Variants in TNRC6C observed in about 807,000 individuals in gnomAD.
TNRC6C encodes trinucleotide repeat containing adaptor 6C.
Under a neutral mutation model 153.7 loss-of-function variants are expected in TNRC6C, and 20 were observed. That is an observed-to-expected ratio of 0.13 (90% CI 0.09 to 0.19). The LOEUF is 0.19. Among genes scored for constraint, TNRC6C ranks in the 10% least tolerant of loss-of-function variants. TNRC6C has a pLI of 1.00. For synonymous variants in TNRC6C, 811 were observed against 841.4 expected (o/e 0.96, Z 0.63); for missense variants, 1,987 against 2,172.0 (o/e 0.91, Z 1.69).
At chr17:77,978,974 C>T (rs1396073621) in intron 1 of TNRC6C, among the ~76,000 whole-genome samples, 1 of 152,182 alleles carries the variant, frequency 6.6e-6, no homozygotes, top group African/African-American at 2.4e-5. Context: ...AGCCTATCTC[C>T]ACAGTTTTGT....
chr17:78,012,156 T>A (rs1598684451), intron 1 of TNRC6C: 1 of 152,376 alleles, frequency 6.6e-6, no homozygotes, highest in East Asian at 1.9e-4. Context: ...AATCACATTT[T>A]ATCTAGCTTT....
intron 2 of TNRC6C, among the ~76,000 whole-genome samples, chr17:78,043,902 C>CT (rs1301386865): frequency 6.6e-6 from 1 of 152,138 alleles, no homozygotes; most frequent in Non-Finnish European, 1.5e-5. Flanking sequence ...GGATCTTATT[C>CT]TTTTTATGGC....
intron 2 of TNRC6C, among the ~76,000 whole-genome samples, chr17:78,039,750 A>G (rs2143834302): frequency 1.3e-5 from 2 of 152,314 alleles, no homozygotes; most frequent in South Asian, 2.1e-4. Context: ...AATGCCCACT[A>G]AGGACTGGGA....
chr17:78,048,201 T>G (rs2072447702), intron 2 of TNRC6C, among the ~76,000 whole-genome samples: 1 of 152,090 alleles, frequency 6.6e-6, no homozygotes, highest in Non-Finnish European at 1.5e-5. Context: ...TAAACCAAAT[T>G]GCAGATAAGA....
At chr17:78,026,156 A>G (rs2071938136) in intron 1 of TNRC6C, among the ~76,000 whole-genome samples, 5 of 152,150 alleles carry the variant, frequency 3.3e-5, no homozygotes, top group Admixed American at 2.0e-4. Flanking sequence ...TAAACTTTAT[A>G]TGTTTGAGAA....
At position 78,067,938 on chromosome 17, in the gene TNRC6C, C is replaced by T; in HGVS notation, c.2778+15C>T. The stretch of plus-strand genomic sequence containing the variant: ...GACTTCAAAAGGTAAGTACAACACT[C>T]TTAACGACGGTACACCCTGAAAACC... On this transcript the variant is annotated intron_variant, in intron 5 of 19. Transcript: ENST00000301624. The T allele has an allele frequency of 3.1e-6, 5 of 1,595,088 alleles. No individual in the cohort carries two copies. Among genetic ancestry groups the T allele is most frequent in the Non-Finnish European group, 3.4e-6 (4 of 1,172,038 alleles).
intron 9 of TNRC6C, among the ~76,000 whole-genome samples, chr17:78,078,412 A>G (rs1259886583): frequency 1.3e-5 from 2 of 152,222 alleles, no homozygotes; most frequent in African/African-American, 4.8e-5. Flanking sequence ...AGTTAACACA[A>G]AATTAACTAC....
chr17:78,093,271 C>T, intron 15 of TNRC6C, 147 bp downstream of exon 17: 1 of 963,122 alleles, frequency 1.0e-6, no homozygotes, highest in Non-Finnish European at 1.5e-6. Context: ...CCTTGGAAAT[C>T]CATTTGTCAG....
At chr17:77,978,894 C>T (rs1255505054) in intron 1 of TNRC6C, among the ~76,000 whole-genome samples, 1 of 152,186 alleles carries the variant, frequency 6.6e-6, no homozygotes, top group Admixed American at 6.5e-5. Context: ...AAGTGATTCA[C>T]CCTTGCTCTT....
intron 2 of TNRC6C, among the ~76,000 whole-genome samples, chr17:78,033,582 T>G (rs1273843795): frequency 6.6e-6 from 1 of 151,812 alleles, no homozygotes; most frequent in African/African-American, 2.4e-5. Context: ...GGCAGGAGAA[T>G]CGCTTGAACC....
chr17:77,959,552 T>C (rs2070843610), intron 1 of TNRC6C, among the ~76,000 whole-genome samples: 1 of 152,102 alleles, frequency 6.6e-6, no homozygotes, highest in Non-Finnish European at 1.5e-5. Context: ...CCCTCCCTTT[T>C]AAAACTCATG....
intron 3 of TNRC6C, among the ~76,000 whole-genome samples, chr17:78,059,963 A>T (rs545890825): frequency 3.3e-5 from 5 of 152,262 alleles, no homozygotes; most frequent in Non-Finnish European, 5.9e-5. Context: ...ACTGTATAAG[A>T]TGGTTTTCCT....
Position 78,075,492 on chromosome 17 carries a change from GA to G in TNRC6C, c.3060+218del. The G allele has an allele frequency of 1.7e-6, 1 of 603,050 alleles. No homozygotes were observed. Among genetic ancestry groups the G allele is most frequent in the South Asian group, 2.7e-5 (1 of 37,362 alleles). The allele number at this position is 603,050 out of a possible 1,614,324, so 37.4% of individuals were successfully genotyped here. On this transcript the variant is annotated intron_variant, in intron 8 of 19. Transcript: ENST00000301624. The surrounding 1 kb of genome is among the most constrained non-coding windows in gnomAD (Gnocchi z 4.2). ...ACTGAGAATGAAAAAGACTGGGATTGAAAACTGATTTTCATATTTATTGTGT... is the reference window on the plus strand; with the variant it reads ...ACTGAGAATGAAAAAGACTGGGATTGAAACTGATTTTCATATTTATTGTGT...
intron 2 of TNRC6C, among the ~76,000 whole-genome samples, chr17:78,042,945 T>G (rs2072330173): frequency 6.6e-6 from 1 of 152,150 alleles, no homozygotes; most frequent in Non-Finnish European, 1.5e-5. Flanking sequence ...TTGGGGGTTT[T>G]GTATGTATAA....
rs1270223628 is a variant in TNRC6C, at chr17:78,093,202, G to C, written c.4162+78G>C. ...AGCCTGCAGAGAGTGATTAGGCTGAGAGGACCCAGAATCTGAGCTAAGGAT... is the reference window on the plus strand; with the variant it reads ...AGCCTGCAGAGAGTGATTAGGCTGACAGGACCCAGAATCTGAGCTAAGGAT... On this transcript the variant is annotated intron_variant, in intron 15 of 19. Transcript: ENST00000301624. The C allele has an allele frequency of 2.1e-6, 3 of 1,439,048 alleles. No individual in the cohort carries two copies. The African/African-American group carries it at 4.2e-5, about 20-fold the overall frequency. 89.1% of individuals were successfully genotyped at this position (1,439,048 alleles called of 1,614,324 possible).
chr17:78,067,320 A>G (rs2072901486), intron 4 of TNRC6C, among the ~76,000 whole-genome samples: 1 of 152,222 alleles, frequency 6.6e-6, no homozygotes, highest in Non-Finnish European at 1.5e-5. Flanking sequence ...TAATCCGGGC[A>G]ACAGAGCAAG....
rs562518313 is a variant in TNRC6C at position 78,024,524 on chromosome 17, G to A, written c.-545-6992G>A. On this transcript the variant is annotated intron_variant, in intron 1 of 19. Transcript: ENST00000301624. Reference sequence around the variant, plus strand: ...TGGGACTACAGGTACCTGCCACCACGCCCGGCTAATTTTTTGTATTTTAGT... The same window carrying A: ...TGGGACTACAGGTACCTGCCACCACACCCGGCTAATTTTTTGTATTTTAGT... Among the ~76,000 whole-genome samples, 213 of 151,866 alleles carry A rather than the reference G, an allele frequency of 1.4e-3. 1 individual carries two copies. Among genetic ancestry groups the A allele is most frequent in the African/African-American group, 4.3e-3 (178 of 41,422 alleles).
chr17:78,006,988 C>T (rs369699104), intron 1 of TNRC6C, among the ~76,000 whole-genome samples: 2 of 148,770 alleles, frequency 1.3e-5, no homozygotes, highest in African/African-American at 2.5e-5. Flanking sequence ...GTTACAGGCA[C>T]GCATGGCCAC....
chr17:78,108,745 G>C (rs1276090870), exon 20 of TNRC6C: 1 of 153,394 alleles, frequency 6.5e-6, no homozygotes, highest in Non-Finnish European at 1.5e-5. Flanking sequence ...AAAGAGGCTT[G>C]AGGAAGACAA....
Sources: allele counts gnomAD v4.1 joint callset (sites outside exome capture counted in the v4.1 genomes callset), GRCh38; gene constraint gnomAD v4.1.1; non-coding constraint Gnocchi (gnomAD v3.1); transcripts MANE v1.5; gene names NCBI Gene and HGNC (gene_info 2026-07-23, HGNC 2026-07-21).